NRXN1: variants seen among roughly 807,000 people sequenced by gnomAD.
NRXN1 encodes neurexin 1, also known as neurexin-1.
A neutral mutation model predicts 150.9 loss-of-function variants in NRXN1; 39 were observed. That is an observed-to-expected ratio of 0.26 (90% CI 0.20 to 0.34). The LOEUF (loss-of-function observed/expected upper bound fraction) is 0.34, where lower values mean the gene tolerates loss of function less well. Ranked by LOEUF, NRXN1 falls within the 10% of genes least tolerant of loss-of-function variation. The pLI, the probability that NRXN1 is intolerant of heterozygous loss-of-function variation, is 1.00. For synonymous variants in NRXN1, 924 were observed against 757.0 expected, an observed-to-expected ratio of 1.22 and a Z score of -3.62; for missense variants, 1,815 against 1,949.9, an observed-to-expected ratio of 0.93 and a Z score of 1.30.
At position 50,439,677 on chromosome 2, in the gene NRXN1, C is replaced by T. The variant is rs1374105559; in HGVS notation, c.3364+25765G>A. Reference sequence around the variant, plus strand: ...ATAAAAATACAAAAAATTAGTCGGGCGTGGTGGCGGGTACCTGTAGTCCCA... The same window carrying T: ...ATAAAAATACAAAAAATTAGTCGGGTGTGGTGGCGGGTACCTGTAGTCCCA... On this transcript the variant is annotated intron_variant, in intron 17 of 22. Coordinates refer to ENST00000401669, the MANE Select transcript of NRXN1 (RefSeq NM_001330078.2). Among the ~76,000 whole-genome samples, 7 of 151,646 alleles carry T rather than the reference C, an allele frequency of 4.6e-5. No individual in the cohort carries two copies. The South Asian group carries it at 6.2e-4, about 14-fold the overall frequency.
Position 51,028,327 on chromosome 2 carries a change from T to C in NRXN1, c.-54A>G. The C allele has an allele frequency of 8.1e-7, 1 of 1,230,788 alleles. No homozygotes were observed. Among genetic ancestry groups the C allele is most frequent in the Non-Finnish European group, 1.1e-6 (1 of 927,260 alleles). 76.2% of individuals were successfully genotyped at this position (1,230,788 alleles called of 1,614,324 possible). ...GCCGGGGCCGACAGGGTCAAAATGG[T>C]CCTGGACACCGTGACGAAGAAATAA... On this transcript the variant is annotated 5_prime_UTR_variant, in exon 2 of 23. Transcript: ENST00000401669.
chr2:50,658,848 T>C (rs1686877469), intron 5 of NRXN1, among the ~76,000 whole-genome samples: 1 of 152,064 alleles, frequency 6.6e-6, no homozygotes, highest in Non-Finnish European at 1.5e-5. Context: ...TTTAGAGTTG[T>C]ATAAGCTTCC....
At chr2:49,949,142 G>A (rs1009151597) in intron 21 of NRXN1, among the ~76,000 whole-genome samples, 1 of 151,924 alleles carries the variant, frequency 6.6e-6, no homozygotes, top group Admixed American at 6.6e-5. Flanking sequence ...AAATATGTCA[G>A]GACGGGGGCA....
At position 50,900,552 on chromosome 2, in the gene NRXN1, T is replaced by C. The variant is rs181002158; in HGVS notation, c.832+21317A>G. On this transcript the variant is annotated intron_variant, in intron 5 of 22. Transcript: ENST00000401669. ...GGGAAGGCGGGTACAAGTAAGAAAA[T>C]AGAATTGGAAACAAGTATGGCTTAC... Among the ~76,000 whole-genome samples, 213 of 151,930 alleles carry C rather than the reference T, an allele frequency of 1.4e-3. 1 individual carries two copies. Among genetic ancestry groups the C allele is most frequent in the Middle Eastern group, 0.01 (3 of 292 alleles).
At chr2:50,483,745 A>G (rs562284557) in intron 15 of NRXN1, among the ~76,000 whole-genome samples, 1 of 152,292 alleles carries the variant, frequency 6.6e-6, no homozygotes, top group East Asian at 1.9e-4. Context: ...ACTCTCTCCT[A>G]TTTTTACTAA....
rs1447865817 is a variant in NRXN1 at position 50,219,937 on chromosome 2, TATATATTATATATATA to T, written c.3546+16836_3546+16851del. 2.0e-3 allele frequency among the ~76,000 whole-genome samples: 151 copies of T among 77,020 alleles called. 5 individuals are homozygous for T. The highest frequency in any genetic ancestry group is 0.011 in the African/African-American group (144 of 12,658). 50.5% of individuals were successfully genotyped at this position (77,020 alleles called of 152,430 possible). ...AAATCTCTCTCTATATTATATATATTATATATTATATATATAATATATATATTATATATATATAATA... is the reference window on the plus strand; with the variant it reads ...AAATCTCTCTCTATATTATATATATTATATATATATTATATATATATAATA... On this transcript the variant is annotated intron_variant, in intron 18 of 22. Coordinates refer to ENST00000401669, the MANE Select transcript of NRXN1 (RefSeq NM_001330078.2).
intron 18 of NRXN1, among the ~76,000 whole-genome samples, chr2:50,233,220 C>A (rs114064269): frequency 6.6e-6 from 1 of 151,944 alleles, no homozygotes; most frequent in South Asian, 2.1e-4. Context: ...CTTACCTTCT[C>A]CTCACCCCTT....
At chr2:50,748,538 A>G (rs1014994832) in intron 5 of NRXN1, among the ~76,000 whole-genome samples, 38 of 152,230 alleles carry the variant, frequency 2.5e-4, no homozygotes, top group African/African-American at 8.9e-4. Context: ...ATTTATAATC[A>G]ATATAACAAA....
chr2:50,221,008 A>G (rs1480334630), intron 18 of NRXN1, among the ~76,000 whole-genome samples: 1 of 152,026 alleles, frequency 6.6e-6, no homozygotes, highest in African/African-American at 2.4e-5. Flanking sequence ...TCGTGTTATC[A>G]ATGTCCATAT....
rs1681652450 is a variant in NRXN1, at chr2:49,990,077, C to A, written c.4129-46286G>T. Among the ~76,000 whole-genome samples, 3 of 151,270 alleles carry A rather than the reference C, an allele frequency of 2.0e-5. No individual in the cohort carries two copies. In the South Asian group the frequency reaches 6.3e-4, roughly 32 times the overall value. ...ACAGGGGCTACTTTTCCCTTTCAAT[C>A]ATGCAACCAGCCAAGCAATAAATTT... On this transcript the variant is annotated intron_variant, in intron 21 of 22. Coordinates refer to ENST00000401669, the MANE Select transcript of NRXN1 (RefSeq NM_001330078.2).
chr2:50,040,914 G>A (rs999669171), intron 21 of NRXN1, among the ~76,000 whole-genome samples: 7 of 151,606 alleles, frequency 4.6e-5, no homozygotes, highest in Non-Finnish European at 7.4e-5. Context: ...TGTGCACAAT[G>A]TGCAGGTTTG....
chr2:50,921,960 A>G, intron 4 of NRXN1, 80 bp from the exon 5 acceptor site: 2 of 746,278 alleles, frequency 2.7e-6, no homozygotes, highest in Non-Finnish European at 4.1e-6. Context: ...AACAATAAGT[A>G]TTATGAACAT....
chr2:50,717,947 G>A (rs1696082954), intron 5 of NRXN1, among the ~76,000 whole-genome samples: 1 of 152,100 alleles, frequency 6.6e-6, no homozygotes, highest in South Asian at 2.1e-4. Context: ...ATACATTGAG[G>A]GTTAGGATTT....
intron 17 of NRXN1, among the ~76,000 whole-genome samples, chr2:50,318,603 G>T (rs1036028795): frequency 3.3e-5 from 5 of 151,936 alleles, no homozygotes; most frequent in African/African-American, 1.2e-4. Flanking sequence ...ATACACAGTG[G>T]TAAGAATGAT....
intron 21 of NRXN1, among the ~76,000 whole-genome samples, chr2:49,981,806 T>C (rs939552428): frequency 2.6e-5 from 4 of 152,082 alleles, no homozygotes; most frequent in Non-Finnish European, 4.4e-5. Flanking sequence ...AAATACAGCA[T>C]TCCAAGGGAA....
At chr2:50,872,647 G>T (rs1677963495) in intron 5 of NRXN1, among the ~76,000 whole-genome samples, 1 of 151,596 alleles carries the variant, frequency 6.6e-6, no homozygotes, top group East Asian at 2.0e-4. Context: ...CACTCTCACT[G>T]GTTTGTTACA....
intron 21 of NRXN1, among the ~76,000 whole-genome samples, chr2:50,035,751 T>C (rs983247216): frequency 7.9e-5 from 12 of 152,030 alleles, no homozygotes; most frequent in African/African-American, 2.9e-4. Context: ...AAGACAGAAA[T>C]ATGCACATAT....
At chr2:49,995,327 A>G (rs1558656014) in intron 21 of NRXN1, among the ~76,000 whole-genome samples, 1 of 152,154 alleles carries the variant, frequency 6.6e-6, no homozygotes, top group South Asian at 2.1e-4. Flanking sequence ...CATTTTAATA[A>G]CATTGTCATG....
intron 17 of NRXN1, among the ~76,000 whole-genome samples, chr2:50,339,174 A>G (rs151098957): frequency 6.6e-6 from 1 of 152,266 alleles, no homozygotes; most frequent in Non-Finnish European, 1.5e-5. Flanking sequence ...ACTGCCTTGT[A>G]TTTTACCACA....
Sources: allele counts gnomAD v4.1 joint callset (sites outside exome capture counted in the v4.1 genomes callset), GRCh38; gene constraint gnomAD v4.1.1; transcripts MANE v1.5; gene names NCBI Gene and HGNC (gene_info 2026-07-23, HGNC 2026-07-21).